The following XYLT1 variants were observed in gnomAD, a reference collection of about 807,000 sequenced individuals.
XYLT1 encodes the protein xylosyltransferase 1, also known as beta-D-xylosyltransferase 1.
XYLT1 carries 36 observed loss-of-function variants against 91.3 expected under a neutral mutation model. That is an observed-to-expected ratio of 0.39 (90% CI 0.30 to 0.52). The LOEUF (loss-of-function observed/expected upper bound fraction) is 0.52, where lower values mean the gene tolerates loss of function less well. XYLT1 is among the 20% of genes least tolerant of loss of function. The pLI is 0.68. For missense variants in XYLT1, 1,242 were observed against 1,284.5 expected (o/e 0.97, Z 0.51); for synonymous variants, 588 against 532.0 (o/e 1.11, Z -1.45).
chr16:17,246,818 C>T (rs980653129), intron 3 of XYLT1, among the ~76,000 whole-genome samples: 2 of 152,150 alleles, frequency 1.3e-5, no homozygotes. Flanking sequence ...CTAAGGGTCC[C>T]CAACAGAATT....
At chr16:17,341,769 A>C (rs2035066254) in intron 2 of XYLT1, among the ~76,000 whole-genome samples, 1 of 152,208 alleles carries the variant, frequency 6.6e-6, no homozygotes, top group Admixed American at 6.5e-5. Flanking sequence ...TATTGCATTA[A>C]TCCTCTGTAG....
intron 2 of XYLT1, among the ~76,000 whole-genome samples, chr16:17,287,525 C>T (rs1400789538): frequency 1.3e-5 from 2 of 152,214 alleles, no homozygotes; most frequent in Non-Finnish European, 2.9e-5. Context: ...GCAGCCACTT[C>T]ACACAGTGAC....
chr16:17,246,079 C>T (rs12918720), intron 3 of XYLT1, among the ~76,000 whole-genome samples: 42,904 of 152,138 alleles, frequency 0.28, 7,105 homozygotes, highest in Middle Eastern at 0.41. Context: ...CACCAAAGTG[C>T]AGTGGTTAAG....
At position 17,443,557 on chromosome 16, in the gene XYLT1, C is replaced by T. The variant is rs765191740; in HGVS notation, c.363+26877G>A. On this transcript the variant is annotated intron_variant, in intron 1 of 11. Coordinates refer to ENST00000261381, the MANE Select transcript of XYLT1 (RefSeq NM_022166.4). ...GATTGTAAGTTTCCTGAGGCCTCTC[C>T]AGCTATGCGGAACTGTGAGTCAATT... Among the ~76,000 whole-genome samples the T allele has an allele frequency of 4.1e-4, 62 of 152,146 alleles. 2 individuals carry two copies. Among genetic ancestry groups the T allele is most frequent in the Non-Finnish European group, 2.4e-4 (16 of 68,028 alleles).
chr16:17,437,286 G>A (rs1260014941), intron 1 of XYLT1, among the ~76,000 whole-genome samples: 2 of 152,216 alleles, frequency 1.3e-5, no homozygotes, highest in African/African-American at 4.8e-5. Context: ...ATCTGGGCCC[G>A]TGTAGGGTAC....
intron 2 of XYLT1, among the ~76,000 whole-genome samples, chr16:17,345,526 C>T (rs924439913): frequency 1.3e-5 from 2 of 152,168 alleles, no homozygotes; most frequent in Non-Finnish European, 2.9e-5. Flanking sequence ...CAGGGGGTGA[C>T]GCAGCTTGCA....
At chr16:17,138,670 G>C (rs2030861859) in intron 7 of XYLT1, 139 bp from the exon 8 acceptor site, 1 of 1,004,628 alleles carries the variant, frequency 1.0e-6, no homozygotes, top group South Asian at 1.7e-5. Flanking sequence ...ATCAGAAGCT[G>C]GGCGGCTTCC....
intron 1 of XYLT1, among the ~76,000 whole-genome samples, chr16:17,387,658 C>T (rs1596518722): frequency 6.6e-6 from 1 of 152,300 alleles, no homozygotes; most frequent in East Asian, 1.9e-4. Flanking sequence ...TACCCCCTCC[C>T]TGGACTCTCC....
intron 1 of XYLT1, among the ~76,000 whole-genome samples, chr16:17,465,173 A>AAAG (rs2036875890): frequency 1.5e-5 from 2 of 135,578 alleles, no homozygotes; most frequent in Non-Finnish European, 1.6e-5. Flanking sequence ...AAAAAAAAAG[A>AAAG]TTTTTGGGAA....
chr16:17,245,644 T>C (rs1379655), intron 3 of XYLT1, among the ~76,000 whole-genome samples: 47,884 of 152,110 alleles, frequency 0.31, 8,027 homozygotes, highest in Middle Eastern at 0.41. Context: ...TACTTTATCA[T>C]TGTATAAATT....
At chr16:17,333,537 T>A (rs990401280) in intron 2 of XYLT1, among the ~76,000 whole-genome samples, 9 of 151,884 alleles carry the variant, frequency 5.9e-5, no homozygotes, top group Non-Finnish European at 1.2e-4. Flanking sequence ...GGTTTCAACG[T>A]CCATGTCACC....
intron 3 of XYLT1, among the ~76,000 whole-genome samples, chr16:17,248,374 G>A (rs887221911): frequency 6.6e-6 from 1 of 152,154 alleles, no homozygotes; most frequent in Non-Finnish European, 1.5e-5. Flanking sequence ...GACTAATACA[G>A]GGGGGCCTAC....
chr16:17,443,224 T>C (rs1241958771), intron 1 of XYLT1, among the ~76,000 whole-genome samples: 2 of 152,236 alleles, frequency 1.3e-5, no homozygotes, highest in Admixed American at 6.5e-5. Flanking sequence ...TTGCTACCTA[T>C]ATTATCATCA....
intron 2 of XYLT1, among the ~76,000 whole-genome samples, chr16:17,273,173 G>A (rs1487038050): frequency 6.6e-6 from 1 of 152,116 alleles, no homozygotes; most frequent in Non-Finnish European, 1.5e-5. Context: ...TATTATGAAT[G>A]GTTTTAACAT....
chr16:17,230,325 C>G (rs1318162339), intron 3 of XYLT1, among the ~76,000 whole-genome samples: 3 of 152,202 alleles, frequency 2.0e-5, no homozygotes, highest in Non-Finnish European at 4.4e-5. Flanking sequence ...CTGTCCACCT[C>G]CTCGTCTGAA....
At chr16:17,425,380 T>C (rs556081055) in intron 1 of XYLT1, among the ~76,000 whole-genome samples, 2 of 152,290 alleles carry the variant, frequency 1.3e-5, no homozygotes, top group East Asian at 3.9e-4. Flanking sequence ...CCATTTTTCT[T>C]GGACCTACCA....
chr16:17,457,666 C>T (rs2036762591), intron 1 of XYLT1, among the ~76,000 whole-genome samples: 1 of 152,220 alleles, frequency 6.6e-6, no homozygotes, highest in South Asian at 2.1e-4. Context: ...GAGCATTTTA[C>T]ATCCACAACA....
rs529511520 is a variant in XYLT1 at position 17,106,521 on chromosome 16, A to C, written c.*2174T>G. 9.8e-5 allele frequency: 15 copies of C among 152,300 alleles called. No homozygotes were observed. Among genetic ancestry groups the C allele is most frequent in the African/African-American group, 3.4e-4 (14 of 41,538 alleles). 9.4% of individuals were successfully genotyped at this position (152,300 alleles called of 1,614,324 possible). A position where few individuals can be genotyped will look rare whatever the true frequency, so the allele number is the denominator to read the frequency against. ...TGGATCTGACGACCCTCCTCCTAAG[A>C]TGGATCTCTCTCAAAGGAGCCTGTT... On this transcript the variant is annotated 3_prime_UTR_variant, in exon 12 of 12. Coordinates refer to ENST00000261381, the MANE Select transcript of XYLT1 (RefSeq NM_022166.4).
rs564987101 is a variant in XYLT1 at position 17,444,467 on chromosome 16, T to C, written c.363+25967A>G. 3.2e-4 allele frequency among the ~76,000 whole-genome samples: 48 copies of C among 151,840 alleles called. 1 individual carries two copies. Among genetic ancestry groups the C allele is most frequent in the Non-Finnish European group, 5.0e-4 (34 of 67,918 alleles). On this transcript the variant is annotated intron_variant, in intron 1 of 11. Coordinates refer to ENST00000261381, the MANE Select transcript of XYLT1 (RefSeq NM_022166.4). ...CTTCCTGCCTCAACCTCCCAAGAAG[T>C]TGGGACTACAGACACATGCCACCAT...
Sources: allele counts gnomAD v4.1 joint callset (sites outside exome capture counted in the v4.1 genomes callset), GRCh38; gene constraint gnomAD v4.1.1; transcripts MANE v1.5; gene names NCBI Gene and HGNC (gene_info 2026-07-23, HGNC 2026-07-21).